The following MRC2 variants were observed in gnomAD, a reference collection of about 807,000 sequenced individuals.
MRC2 encodes mannose receptor C-type 2.
Under a neutral mutation model 206.2 loss-of-function variants are expected in MRC2, and 84 were observed. The observed-to-expected ratio is 0.41, with a 90% confidence interval of 0.34 to 0.49. The LOEUF (loss-of-function observed/expected upper bound fraction) is 0.49. MRC2 is among the 20% of genes least tolerant of loss of function. The pLI, the probability that MRC2 is intolerant of heterozygous loss-of-function variation, is 0.31. For missense variants in MRC2, 1,676 were observed against 2,001.5 expected (o/e 0.84, Z 3.10); for synonymous variants, 798 against 800.0 (o/e 1.00, Z 0.04).
Position 62,680,565 on chromosome 17 carries a change from G to T in MRC2, c.2473+112G>T. 1.4e-6 allele frequency: 2 copies of T among 1,474,774 alleles called. No homozygotes were observed. Among genetic ancestry groups the T allele is most frequent in the South Asian group, 1.2e-5 (1 of 83,678 alleles). 91.4% of individuals were successfully genotyped at this position (1,474,774 alleles called of 1,614,324 possible). A position where few individuals can be genotyped will look rare whatever the true frequency, so the allele number is the denominator to read the frequency against. On this transcript the variant is annotated intron_variant, in intron 16 of 29. Transcript: ENST00000303375. This position sits in a 1 kb window ranked among gnomAD's most constrained non-coding sequence, Gnocchi z 4.8. Reference sequence around the variant, plus strand: ...GGAGGGGATGAGGAGTTCCGGTCGAGAGAAGGGGGACGGGGTTGGCTCGGA... The same window carrying T: ...GGAGGGGATGAGGAGTTCCGGTCGATAGAAGGGGGACGGGGTTGGCTCGGA...
In MRC2 at chr17:62,689,634, C is replaced by T. The variant is rs1598999200; in HGVS notation, c.3447C>T (p.Ala1149=). ...AGAAGCCGCTGCGCTGGCACGATGC[C>T]CTCCTGCTGTGTGAGAGCCGCAATG... The part of the protein sequence containing the change: ...LLQKPLRWHD[A]LLLCESRNAS... The change falls in exon 24 of 30, where the codon GCC becomes GCT. Residue 1149 remains alanine (A), a synonymous_variant. Coordinates refer to ENST00000303375, the MANE Select transcript of MRC2 (RefSeq NM_006039.5). The T allele has an allele frequency of 1.9e-6, 3 of 1,601,842 alleles. No individual in the cohort carries two copies. The highest frequency in any genetic ancestry group is 2.6e-6 in the Non-Finnish European group (3 of 1,174,572).
chr17:62,688,072 C>T (rs2147492032), intron 20 of MRC2, among the ~76,000 whole-genome samples: 1 of 152,266 alleles, frequency 6.6e-6, no homozygotes, highest in East Asian at 1.9e-4. Flanking sequence ...TTTGAAGATC[C>T]CCTGGAGTGT....
intron 1 of MRC2, among the ~76,000 whole-genome samples, chr17:62,662,142 C>T (rs932536498): frequency 4.6e-5 from 7 of 151,446 alleles, no homozygotes; most frequent in Non-Finnish European, 7.4e-5. Flanking sequence ...CCCAGCTACT[C>T]GGGAGGCTGA....
intron 20 of MRC2, among the ~76,000 whole-genome samples, chr17:62,687,957 G>T (rs959804621): frequency 3.3e-5 from 5 of 152,186 alleles, no homozygotes; most frequent in Non-Finnish European, 7.3e-5. Flanking sequence ...ACAACATTCG[G>T]AAGGGTGTTT....
rs2088859140 is a variant in MRC2 at position 62,674,045 on chromosome 17, C to T, written c.1462-18C>T. 1 of 1,539,164 alleles carries T rather than the reference C, an allele frequency of 6.5e-7. No individual in the cohort carries two copies. Among genetic ancestry groups the T allele is most frequent in the Non-Finnish European group, 8.8e-7 (1 of 1,136,256 alleles). On this transcript the variant is annotated intron_variant, in intron 8 of 29. Coordinates refer to ENST00000303375, the MANE Select transcript of MRC2 (RefSeq NM_006039.5). ...GGGGAGGTGGGGGTTGAGATTCTTC[C>T]TCACCCTGTGTCCGTAGGAAGGCCG...
Position 62,691,274 on chromosome 17 carries a change from G to A in MRC2, c.4192+146G>A, listed in dbSNP as rs117479006. The A allele has an allele frequency of 3.8e-3, 3,537 of 937,812 alleles. 7 individuals carry two copies. The highest frequency in any genetic ancestry group is 6.6e-3 in the African/African-American group (387 of 58,646). 58.1% of individuals were successfully genotyped at this position (937,812 alleles called of 1,614,324 possible). A position where few individuals can be genotyped will look rare whatever the true frequency, so the allele number is the denominator to read the frequency against. Reference sequence around the variant, plus strand: ...CGGACTGCGGGCAGCTGGGACCCCCGGGATAAATTAGTCAGTGGGATGGAC... The same window carrying A: ...CGGACTGCGGGCAGCTGGGACCCCCAGGATAAATTAGTCAGTGGGATGGAC... On this transcript the variant is annotated intron_variant, in intron 28 of 29. Transcript: ENST00000303375.
intron 1 of MRC2, among the ~76,000 whole-genome samples, chr17:62,631,699 T>C (rs1378272054): frequency 6.6e-6 from 1 of 151,704 alleles, no homozygotes; most frequent in Non-Finnish European, 1.5e-5. Flanking sequence ...TCCTTGTGGG[T>C]CCAGGAGGCC....
At position 62,666,004 on chromosome 17, in the gene MRC2, G is replaced by A. The variant is rs2088748344; in HGVS notation, c.521-90G>A. 7.2e-7 allele frequency: 1 copy of A among 1,379,502 alleles called. No individual in the cohort carries two copies. The highest frequency in any genetic ancestry group is 9.8e-7 in the Non-Finnish European group (1 of 1,021,560). The allele number at this position is 1,379,502 out of a possible 1,614,324, so 85.5% of individuals were successfully genotyped here. ...ATCCCTGTGAACACCCAGCACTCTG[G>A]GTTTTAGGGGATTTCTCCTGAGGGT... On this transcript the variant is annotated intron_variant, in intron 2 of 29. Coordinates refer to ENST00000303375, the MANE Select transcript of MRC2 (RefSeq NM_006039.5). The surrounding 1 kb of genome is among the most constrained non-coding windows in gnomAD (Gnocchi z 5.0).
intron 6 of MRC2, among the ~76,000 whole-genome samples, chr17:62,668,199 A>C (rs1263801281): frequency 6.6e-6 from 1 of 151,904 alleles, no homozygotes; most frequent in East Asian, 1.9e-4. Context: ...TCTGCAAAAT[A>C]TTTTTAAAAA....
At position 62,666,607 on chromosome 17, in the gene MRC2, A is replaced by T. The variant is rs751510203; in HGVS notation, c.847A>T (p.Thr283Ser). Residue 283 changes from threonine to serine, a missense_variant, in exon 4 of 30, where the codon ACC (threonine) becomes TCC (serine). Physicochemically the swap from Thr to Ser is moderately conservative, Grantham distance 58. This residue lies in a region of MRC2 where 1,354 missense variants were observed against 1,636.6 expected (regional missense o/e 0.83). Coordinates refer to ENST00000303375, the MANE Select transcript of MRC2 (RefSeq NM_006039.5). This position sits in a 1 kb window ranked among gnomAD's most constrained non-coding sequence, Gnocchi z 5.0. ...LLSITEIHEQ[T>S]YINGLLTGYS... is the part of the protein sequence containing the mutation. ...GAGCATCACGGAGATCCACGAGCAGACCTACATCAACGGTGAGCCGGGGCC... is the reference window on the plus strand; with the variant it reads ...GAGCATCACGGAGATCCACGAGCAGTCCTACATCAACGGTGAGCCGGGGCC... The T allele has an allele frequency of 1.3e-6, 2 of 1,585,992 alleles. No individual in the cohort carries two copies. The highest frequency in any genetic ancestry group is 2.7e-5 in the African/African-American group (2 of 74,236).
chr17:62,688,153 C>A (rs1012527970), intron 20 of MRC2, 136 bp from the exon 21 acceptor site: 12 of 695,354 alleles, frequency 1.7e-5, no homozygotes, highest in Non-Finnish European at 2.9e-5. Context: ...CCCAGCTGTC[C>A]TGGTTCTCAG....
chr17:62,665,032 AGGCCTTT>A, intron 2 of MRC2, 83 bp downstream of exon 2: 4 of 1,454,814 alleles, frequency 2.7e-6, no homozygotes, highest in Non-Finnish European at 2.7e-6. Flanking sequence ...CCCAGTGACA[AGGCCTTT>A]GGCCTCTGTG....
In MRC2 at chr17:62,652,101, G is replaced by A. The variant is rs1007534622; in HGVS notation, c.119-12447G>A. 6.6e-6 allele frequency among the ~76,000 whole-genome samples: 1 copy of A among 152,100 alleles called. No individual in the cohort carries two copies. Among genetic ancestry groups the A allele is most frequent in the African/African-American group, 2.4e-5 (1 of 41,434 alleles). ...CCAGAGGGGCACGTGTAATATTTCC[G>A]CTTTCGGTTACTCCCCACCCCACAC... On this transcript the variant is annotated intron_variant, in intron 1 of 29. Coordinates refer to ENST00000303375, the MANE Select transcript of MRC2 (RefSeq NM_006039.5). This position sits in a 1 kb window ranked among gnomAD's most constrained non-coding sequence, Gnocchi z 4.6.
In MRC2 at chr17:62,680,838, A is replaced by G. The variant is rs746166273; in HGVS notation, c.2512A>G (p.Lys838Glu). 1 of 1,612,862 alleles carries G rather than the reference A, an allele frequency of 6.2e-7. No homozygotes were observed. The highest frequency in any genetic ancestry group is 8.5e-7 in the Non-Finnish European group (1 of 1,179,862). Reference sequence around the variant, plus strand: ...GCTGCGCTTCCAGGAGGCCGAGTACAAGTTCTTTGAGCACCACTCCACGTG... The same window carrying G: ...GCTGCGCTTCCAGGAGGCCGAGTACGAGTTCTTTGAGCACCACTCCACGTG... ...EWLRFQEAEY[K>E]FFEHHSTWAQ... Residue 838 changes from lysine (K) to glutamate (E), a missense_variant, in exon 17 of 30, where the codon AAG (lysine) becomes GAG (glutamate). Lys to Glu is a moderately conservative substitution (Grantham distance 56, BLOSUM62 1). Around this residue, in one of 3 missense-constraint regions of MRC2, gnomAD observed 1,354 missense variants for 1,636.6 expected, o/e 0.83. Coordinates refer to ENST00000303375, the MANE Select transcript of MRC2 (RefSeq NM_006039.5). This position sits in a 1 kb window ranked among gnomAD's most constrained non-coding sequence, Gnocchi z 4.8.
In MRC2 at chr17:62,688,567, G is replaced by C. The variant is rs752212420; in HGVS notation, c.3128G>C (p.Arg1043Thr). 6.2e-7 allele frequency: 1 copy of C among 1,614,124 alleles called. No homozygotes were observed. Among genetic ancestry groups the C allele is most frequent in the Non-Finnish European group, 8.5e-7 (1 of 1,180,044 alleles). ...DLWIGLHASQ[R>T]DFQWVEQEPL... Reference sequence around the variant, plus strand: ...TGGATTGGCCTCCATGCCTCGCAGAGGGACTTCCAGTGGGTGGAGCAGGAG... The same window carrying C: ...TGGATTGGCCTCCATGCCTCGCAGACGGACTTCCAGTGGGTGGAGCAGGAG... Residue 1043 changes from arginine to threonine, a missense_variant, in exon 22 of 30, where the codon AGG becomes ACG. By Grantham distance (71) the Arg-to-Thr change is moderately conservative. Transcript: ENST00000303375.
At position 62,681,829 on chromosome 17, in the gene MRC2, C is replaced by T. The variant is rs965393818; in HGVS notation, c.2703-8C>T. 3 of 1,610,042 alleles carry T rather than the reference C, an allele frequency of 1.9e-6. No homozygotes were observed. In the African/African-American group the frequency reaches 4.0e-5, roughly 22 times the overall value. ...TGCTGGAGTTACCTCTGCTCCATGC[C>T]ATTGCAGATGGACAGATGGTTCCAT... is the stretch of plus-strand genomic sequence containing the variant. On this transcript the variant is annotated splice_polypyrimidine_tract_variant and splice_region_variant and intron_variant, in intron 18 of 29. Coordinates refer to ENST00000303375, the MANE Select transcript of MRC2 (RefSeq NM_006039.5).
At chr17:62,678,431 G>T in intron 12 of MRC2, 73 bp from the exon 13 acceptor site, 2 of 1,559,174 alleles carry the variant, frequency 1.3e-6, no homozygotes, top group Non-Finnish European at 1.7e-6. Context: ...TGCCATGGTG[G>T]GAAAGGCAGT....
rs1167874072 is a variant in MRC2, at chr17:62,652,611, C to T, written c.119-11937C>T. 6.6e-6 allele frequency among the ~76,000 whole-genome samples: 1 copy of T among 152,172 alleles called. No homozygotes were observed. The highest frequency in any genetic ancestry group is 2.4e-5 in the African/African-American group (1 of 41,434). On this transcript the variant is annotated intron_variant, in intron 1 of 29. Coordinates refer to ENST00000303375, the MANE Select transcript of MRC2 (RefSeq NM_006039.5). The surrounding 1 kb of genome is among the most constrained non-coding windows in gnomAD (Gnocchi z 4.6). Reference sequence around the variant, plus strand: ...TTTATTTTGGCTGCGGGCTAGCAGACGGCGCCAGGGGCAGCGGCCACGCAG... The same window carrying T: ...TTTATTTTGGCTGCGGGCTAGCAGATGGCGCCAGGGGCAGCGGCCACGCAG...
intron 10 of MRC2, among the ~76,000 whole-genome samples, chr17:62,676,173 C>T (rs1172651493): frequency 6.6e-6 from 1 of 152,192 alleles, no homozygotes; most frequent in Admixed American, 6.5e-5. Context: ...ATTTTCTCTA[C>T]TTTCTTCTCA....
Sources: allele counts gnomAD v4.1 joint callset (sites outside exome capture counted in the v4.1 genomes callset), GRCh38; gene constraint gnomAD v4.1.1; regional missense constraint gnomAD v4.1.1; non-coding constraint Gnocchi (gnomAD v3.1); transcripts MANE v1.5; gene names NCBI Gene and HGNC (gene_info 2026-07-23, HGNC 2026-07-21).